Variants in KHK observed in about 807,000 individuals in gnomAD.
KHK encodes the protein fructokinase.
Under a neutral mutation model 36.0 loss-of-function variants are expected in KHK, and 37 were observed. That is an observed-to-expected ratio of 1.03 (90% CI 0.79 to 1.35). The LOEUF (loss-of-function observed/expected upper bound fraction) is 1.35, where lower values mean the gene tolerates loss of function less well. Among genes scored for constraint, KHK ranks in the 40% most tolerant of loss-of-function variants. The probability of loss-of-function intolerance (pLI) is 0.00; values close to 1 mark genes in which losing one functional copy is unlikely to be tolerated. For synonymous variants in KHK, 161 were observed against 162.8 expected (o/e 0.99, Z 0.08); for missense variants, 395 against 391.9 (o/e 1.01, Z -0.07).
chr2:27,100,037 C>T lies in KHK; in HGVS notation c.*287C>T. 1 of 646,938 alleles carries T rather than the reference C, an allele frequency of 1.5e-6. No individual in the cohort carries two copies. Among genetic ancestry groups the T allele is most frequent in the East Asian group, 2.7e-5 (1 of 36,624 alleles). The allele number at this position is 646,938 out of a possible 1,614,324, so 40.1% of individuals were successfully genotyped here. A position where few individuals can be genotyped will look rare whatever the true frequency, so the allele number is the denominator to read the frequency against. ...TGAGGCTCTGACTCTTCGATCCTCC[C>T]TCTTTGTGTCCATTCCCCAAATTAA... is the stretch of plus-strand genomic sequence containing the variant. On this transcript the variant is annotated 3_prime_UTR_variant, in exon 8 of 8. Coordinates refer to ENST00000260598, the MANE Select transcript of KHK (RefSeq NM_006488.3).
Position 27,099,925 on chromosome 2 carries a change from T to A in KHK, c.*175T>A. ...CAGGGAGAGGCTCTGGGGGGATGGCTGGGGGATGCAGAGCCTCAGAGCAAA... is the reference window on the plus strand; with the variant it reads ...CAGGGAGAGGCTCTGGGGGGATGGCAGGGGGATGCAGAGCCTCAGAGCAAA... On this transcript the variant is annotated 3_prime_UTR_variant, in exon 8 of 8. Transcript: ENST00000260598. The A allele has an allele frequency of 1.4e-6, 2 of 1,419,626 alleles. No homozygotes were observed. The highest frequency in any genetic ancestry group is 1.9e-6 in the Non-Finnish European group (2 of 1,029,316). The allele number at this position is 1,419,626 out of a possible 1,614,324, so 87.9% of individuals were successfully genotyped here.
In KHK at chr2:27,092,422, C is replaced by T. The variant is rs1670069684; in HGVS notation, c.183C>T (p.Gly61=). 2 of 1,613,134 alleles carry T rather than the reference C, an allele frequency of 1.2e-6. No homozygotes were observed. Among genetic ancestry groups the T allele is most frequent in the Non-Finnish European group, 8.5e-7 (1 of 1,179,844 alleles). ...TCGGAGCCCCCTGTGCCTTCATGGG[C>T]TCAATGGCTCCTGGCCATGTTGCTG... is the stretch of plus-strand genomic sequence containing the variant. ...SLLGAPCAFM[G]SMAPGHVADF... Residue 61 remains glycine (G), a synonymous_variant, in exon 2 of 8, where the codon GGC becomes GGT. Coordinates refer to ENST00000260598, the MANE Select transcript of KHK (RefSeq NM_006488.3).
chr2:27,094,819 AGGCGGC>A lies in KHK; in HGVS notation c.232_237del (p.Arg78_Arg79del), dbSNP rs1670238283. On this transcript the variant is annotated inframe_deletion, in exon 3 of 8. Coordinates refer to ENST00000260598, the MANE Select transcript of KHK (RefSeq NM_006488.3). ...CCTAAGCTTCCTGGTGGCCGACTTC[AGGCGGC>A]GGGGCGTGGACGTGTCTCAGGTGGC... The A allele has an allele frequency of 6.2e-7, 1 of 1,613,898 alleles. No individual in the cohort carries two copies. Among genetic ancestry groups the A allele is most frequent in the Admixed American group, 1.7e-5 (1 of 60,004 alleles).
At position 27,096,786 on chromosome 2, in the gene KHK, G is replaced by A; in HGVS notation, c.402G>A (p.Lys134=). ...DFEKVDLTQF[K]WIHIEGRNAS... Reference sequence around the variant, plus strand: ...AGAAGGTTGATCTGACCCAGTTCAAGTGGATCCACATTGAGGTAAGCCCTG... The same window carrying A: ...AGAAGGTTGATCTGACCCAGTTCAAATGGATCCACATTGAGGTAAGCCCTG... Residue 134 remains lysine (K), a synonymous_variant, in exon 4 of 8, where the codon AAG becomes AAA. Transcript: ENST00000260598. 1 of 1,613,870 alleles carries A rather than the reference G, an allele frequency of 6.2e-7. No homozygotes were observed. The highest frequency in any genetic ancestry group is 8.5e-7 in the Non-Finnish European group (1 of 1,179,788).
chr2:27,092,514 T>A, intron 2 of KHK, 66 bp downstream of exon 2: 1 of 1,184,692 alleles, frequency 8.4e-7, no homozygotes, highest in Non-Finnish European at 1.3e-6. Context: ...AAGAAGGATG[T>A]ATCCACCCTG....
At position 27,097,646 on chromosome 2, in the gene KHK, C is replaced by T. The variant is rs201154857; in HGVS notation, c.561C>T (p.Asp187=). ...TCTTCCAGCTGTTTGGCTACGGAGA[C>T]GTGGTGGGTGCCCCATTCAGCCTCT... ...EELFQLFGYG[D]VVFVSKDVAK... is the part of the protein sequence containing the mutation. Residue 187 remains aspartate (D), a synonymous_variant, in exon 5 of 8, where the codon GAC becomes GAT. Transcript: ENST00000260598. 68 of 1,613,872 alleles carry T rather than the reference C, an allele frequency of 4.2e-5. No homozygotes were observed. The highest frequency in any genetic ancestry group is 5.0e-5 in the Non-Finnish European group (59 of 1,180,028).
chr2:27,091,254 A>ATT (rs60898678), intron 1 of KHK, among the ~76,000 whole-genome samples: 4 of 141,386 alleles, frequency 2.8e-5, no homozygotes, highest in Non-Finnish European at 4.7e-5. Context: ...CTAATTTTTA[A>ATT]TTTTTTTTTT....
chr2:27,097,779 G>A, intron 5 of KHK, 130 bp downstream of exon 5: 1 of 1,338,638 alleles, frequency 7.5e-7, no homozygotes, highest in South Asian at 1.2e-5. Context: ...TGAAGATGGG[G>A]GATGGGGGTT....
In KHK at chr2:27,094,813, G is replaced by A. The variant is rs754808415; in HGVS notation, c.223G>A (p.Asp75Asn). 60 of 1,613,894 alleles carry A rather than the reference G, an allele frequency of 3.7e-5. 1 individual carries two copies. Among genetic ancestry groups the A allele is most frequent in the Middle Eastern group, 1.6e-4 (1 of 6,084 alleles). Residue 75 changes from aspartate (D) to asparagine (N), a missense_variant, in exon 3 of 8, where the codon GAC becomes AAC. Transcript: ENST00000260598. ...PGHVADFLVA[D>N]FRRRGVDVSQ... ...CTCCACCCTAAGCTTCCTGGTGGCCGACTTCAGGCGGCGGGGCGTGGACGT... is the reference window on the plus strand; with the variant it reads ...CTCCACCCTAAGCTTCCTGGTGGCCAACTTCAGGCGGCGGGGCGTGGACGT...
rs760708527 is a variant in KHK at position 27,096,746 on chromosome 2, C to G, written c.362C>G (p.Ser121Cys). Residue 121 changes from serine to cysteine, a missense_variant, in exon 4 of 8, where the codon TCT (serine) becomes TGT (cysteine). Physicochemically the swap from Ser to Cys is moderately radical, Grantham distance 112. Coordinates refer to ENST00000260598, the MANE Select transcript of KHK (RefSeq NM_006488.3). ...TGACCTAGGAGCCTGCCAGATGTGT[C>G]TGCTACAGACTTTGAGAAGGTTGAT... is the stretch of plus-strand genomic sequence containing the variant. ...VLHDTSLPDV[S>C]ATDFEKVDLT... The G allele has an allele frequency of 4.3e-5, 69 of 1,613,930 alleles. No homozygotes were observed. The highest frequency in any genetic ancestry group is 5.7e-5 in the Non-Finnish European group (67 of 1,179,986).
At chr2:27,099,358 C>A in intron 6 of KHK, 62 bp from the exon 7 acceptor site, 2 of 1,612,300 alleles carry the variant, frequency 1.2e-6, no homozygotes. Context: ...CGCCCTGGAG[C>A]TGGGAGGATG....
Position 27,097,590 on chromosome 2 carries a change from T to A in KHK, c.505T>A (p.Ser169Thr). The A allele has an allele frequency of 6.2e-7, 1 of 1,614,034 alleles. No homozygotes were observed. Among genetic ancestry groups the A allele is most frequent in the Non-Finnish European group, 8.5e-7 (1 of 1,180,046 alleles). Reference protein sequence around the residue: ...RQPPEQKIRVSVEVEKPREEL... With the variant: ...RQPPEQKIRVTVEVEKPREEL... ...GCCTCCAGAGCAGAAGATCCGGGTGTCCGTGGAGGTGGAGAAGCCACGAGA... is the reference window on the plus strand; with the variant it reads ...GCCTCCAGAGCAGAAGATCCGGGTGACCGTGGAGGTGGAGAAGCCACGAGA... Residue 169 changes from serine to threonine, a missense_variant, in exon 5 of 8, where the codon TCC (serine) becomes ACC (threonine). By Grantham distance (58) the Ser-to-Thr change is moderately conservative. Transcript: ENST00000260598.
Position 27,100,167 on chromosome 2 carries a change from C to T in KHK, c.*417C>T. The T allele has an allele frequency of 2.1e-6, 1 of 483,284 alleles. No homozygotes were observed. The highest frequency in any genetic ancestry group is 3.8e-6 in the Non-Finnish European group (1 of 264,170). 29.9% of individuals were successfully genotyped at this position (483,284 alleles called of 1,614,324 possible). The stretch of plus-strand genomic sequence containing the variant: ...CTGGCTGGGGAGGACACTCGGTGCC[C>T]CACACCCAGTGAACCTGCCAAAGAA... On this transcript the variant is annotated 3_prime_UTR_variant, in exon 8 of 8. Coordinates refer to ENST00000260598, the MANE Select transcript of KHK (RefSeq NM_006488.3).
intron 1 of KHK, among the ~76,000 whole-genome samples, chr2:27,088,670 C>T (rs976966540): frequency 1.3e-5 from 2 of 151,582 alleles, no homozygotes; most frequent in Non-Finnish European, 2.9e-5. Context: ...GTGATCTGCC[C>T]GTCTCAGTCC....
Position 27,099,896 on chromosome 2 carries a change from C to G in KHK, c.*146C>G. ...AGGACTCTGCCTGTGTCCTGTGTTC[C>G]CCACAGGGAGAGGCTCTGGGGGGAT... On this transcript the variant is annotated 3_prime_UTR_variant, in exon 8 of 8. Coordinates refer to ENST00000260598, the MANE Select transcript of KHK (RefSeq NM_006488.3). 1 of 1,530,848 alleles carries G rather than the reference C, an allele frequency of 6.5e-7. No individual in the cohort carries two copies. Among genetic ancestry groups the G allele is most frequent in the Non-Finnish European group, 8.9e-7 (1 of 1,129,932 alleles). 94.8% of individuals were successfully genotyped at this position (1,530,848 alleles called of 1,614,324 possible).
chr2:27,090,923 A>T (rs754512621), intron 1 of KHK, among the ~76,000 whole-genome samples: 4 of 152,020 alleles, frequency 2.6e-5, no homozygotes, highest in Non-Finnish European at 5.9e-5. Context: ...GGGCATGGTG[A>T]TGCACACCTA....
intron 2 of KHK, 64 bp downstream of exon 2, chr2:27,092,512 T>C (rs1279031533): frequency 8.3e-7 from 1 of 1,206,928 alleles, no homozygotes; most frequent in Non-Finnish European, 1.2e-6. Context: ...AGAAGAAGGA[T>C]GTATCCACCC....
rs1670659628 is a variant in KHK, at chr2:27,099,579, T to C, written c.811+2T>C. The C allele has an allele frequency of 6.2e-7, 1 of 1,613,842 alleles. No homozygotes were observed. The highest frequency in any genetic ancestry group is 8.5e-7 in the Non-Finnish European group (1 of 1,179,938). ...CCGTCATCTTCAGCCTCTCCCAGGGTGAGTATGGCAGCAGGAGGGGAAAAG... is the reference window on the plus strand; with the variant it reads ...CCGTCATCTTCAGCCTCTCCCAGGGCGAGTATGGCAGCAGGAGGGGAAAAG... On this transcript the variant is annotated splice_donor_variant, in intron 7 of 7. Coordinates refer to ENST00000260598, the MANE Select transcript of KHK (RefSeq NM_006488.3). LOFTEE classifies it high-confidence loss of function.
In KHK at chr2:27,087,204, A is replaced by T; in HGVS notation, c.-56A>T. The stretch of plus-strand genomic sequence containing the variant: ...GACACCATCCTCCTGGATAAGAGGC[A>T]GAGGCCGGGAGGAACCCCGTCAGCC... On this transcript the variant is annotated 5_prime_UTR_variant, in exon 1 of 8. Transcript: ENST00000260598. 7.0e-7 allele frequency: 1 copy of T among 1,433,064 alleles called. No individual in the cohort carries two copies. Among genetic ancestry groups the T allele is most frequent in the Non-Finnish European group, 9.6e-7 (1 of 1,039,230 alleles). 88.8% of individuals were successfully genotyped at this position (1,433,064 alleles called of 1,614,324 possible). A position where few individuals can be genotyped will look rare whatever the true frequency, so the allele number is the denominator to read the frequency against.
Sources: gnomAD v4.1 joint callset for allele counts (sites outside exome capture counted in the v4.1 genomes callset) on GRCh38, gnomAD v4.1.1 for gene constraint, MANE v1.5 for transcripts, NCBI Gene and HGNC (gene_info 2026-07-23, HGNC 2026-07-21) for gene names.